RNF126: variants seen among roughly 807,000 people sequenced by gnomAD.
RNF126 encodes the protein ring finger protein 126, also known as E3 ubiquitin-protein ligase RNF126.
Under a neutral mutation model 41.9 loss-of-function variants are expected in RNF126, and 20 were observed. The ratio of observed to expected loss-of-function variants is 0.48; its 90% CI spans 0.34 to 0.69. The LOEUF is 0.69. Ranked by LOEUF, RNF126 falls within the 30% of genes least tolerant of loss-of-function variation. The pLI is 0.01. For missense variants in RNF126, 433 were observed against 460.6 expected (o/e 0.94, Z 0.55); for synonymous variants, 239 against 202.9 (o/e 1.18, Z -1.51).
intron 2 of RNF126, 69 bp downstream of exon 2, chr19:652,757 A>G: frequency 2.1e-6 from 3 of 1,453,698 alleles, no homozygotes; most frequent in South Asian, 1.2e-5. Context: ...ACGCCAGCAC[A>G]GCCCACACCC....
At chr19:650,348 G>C in intron 4 of RNF126, 52 bp from the exon 5 acceptor site, 1 of 1,525,642 alleles carries the variant, frequency 6.6e-7, no homozygotes, top group South Asian at 1.2e-5. Context: ...GCACAGGAGA[G>C]GCGCCAGGCC....
chr19:648,053 G>C lies in RNF126; in HGVS notation c.*75C>G, dbSNP rs1007108713. On this transcript the variant is annotated 3_prime_UTR_variant, in exon 9 of 9. Transcript: ENST00000292363. ...AAGCGTGGCGCCGCCGGGGCACCCAGTCTGTGGGTGCCGTGTGGCGCTGGC... is the reference window on the plus strand; with the variant it reads ...AAGCGTGGCGCCGCCGGGGCACCCACTCTGTGGGTGCCGTGTGGCGCTGGC... 108 of 1,430,988 alleles carry C rather than the reference G, an allele frequency of 7.5e-5. No homozygotes were observed. The highest frequency in any genetic ancestry group is 1.9e-4 in the Middle Eastern group (1 of 5,202). The allele number at this position is 1,430,988 out of a possible 1,614,324, so 88.6% of individuals were successfully genotyped here.
intron 1 of RNF126, among the ~76,000 whole-genome samples, chr19:658,457 A>G (rs1469091052): frequency 1.3e-5 from 2 of 151,978 alleles, no homozygotes; most frequent in African/African-American, 2.4e-5. Flanking sequence ...CCCCAGGGAG[A>G]GTCATGGTGC....
intron 1 of RNF126, among the ~76,000 whole-genome samples, chr19:658,362 G>A (rs2030651260): frequency 6.7e-6 from 1 of 148,914 alleles, no homozygotes; most frequent in African/African-American, 2.6e-5. Flanking sequence ...ATGACTGACA[G>A]TGACCAGGGC....
chr19:658,489 C>A (rs1047354114), intron 1 of RNF126, among the ~76,000 whole-genome samples: 2 of 151,982 alleles, frequency 1.3e-5, no homozygotes, highest in African/African-American at 4.8e-5. Context: ...TCGGTAGGAG[C>A]CCCCGTGCTG....
Position 648,159 on chromosome 19 carries a change from G to A in RNF126, c.905C>T (p.Pro302Leu). 4 of 1,602,042 alleles carry A rather than the reference G, an allele frequency of 2.5e-6. No homozygotes were observed. Among genetic ancestry groups the A allele is most frequent in the Non-Finnish European group, 3.4e-6 (4 of 1,172,372 alleles). ...SSSSSSSSSSPSNENATSNS is the reference protein window; with the variant it reads ...SSSSSSSSSSLSNENATSNS ...GTTGCTTGTGGCGTTCTCGTTGCTGGGCGAGCTGGAGGAGGACGATGACGA... is the reference window on the plus strand; with the variant it reads ...GTTGCTTGTGGCGTTCTCGTTGCTGAGCGAGCTGGAGGAGGACGATGACGA... The change falls in exon 9 of 9, where the codon CCC becomes CTC. Residue 302 changes from proline to leucine, a missense_variant. Physicochemically the swap from Pro to Leu is moderately conservative, Grantham distance 98 (BLOSUM62 -3). This residue lies in a region of RNF126 where 63 missense variants were observed against 47.9 expected (regional missense o/e 1.32). Coordinates refer to ENST00000292363, the MANE Select transcript of RNF126 (RefSeq NM_194460.3).
intron 3 of RNF126, 39 bp downstream of exon 3, chr19:652,194 G>C: frequency 6.7e-7 from 1 of 1,486,094 alleles, no homozygotes; most frequent in East Asian, 2.5e-5. Flanking sequence ...CCCGAGCAAG[G>C]CTGACACGAT....
chr19:657,294 A>G (rs2030600998), intron 1 of RNF126, among the ~76,000 whole-genome samples: 1 of 152,072 alleles, frequency 6.6e-6, no homozygotes, highest in Non-Finnish European at 1.5e-5. Flanking sequence ...CCATGTGCCG[A>G]GCTCAGCCCC....
chr19:655,089 C>T (rs895202222), intron 1 of RNF126, among the ~76,000 whole-genome samples: 2 of 152,092 alleles, frequency 1.3e-5, no homozygotes, highest in Non-Finnish European at 2.9e-5. Flanking sequence ...GTGGGCAGAC[C>T]ATTTGAGGTC....
At chr19:652,786 G>C in intron 2 of RNF126, 40 bp downstream of exon 2, 1 of 1,595,228 alleles carries the variant, frequency 6.3e-7, no homozygotes, top group Non-Finnish European at 8.6e-7. Flanking sequence ...GCTGAGGCCC[G>C]GCTGGCTCTT....
intron 1 of RNF126, 60 bp downstream of exon 1, chr19:662,987 G>GGCCTT: frequency 1.1e-6 from 1 of 883,118 alleles, no homozygotes; most frequent in Non-Finnish European, 1.5e-6. Context: ...CCCCGGCCCC[G>GGCCTT]GCCTTGCCTC....
intron 1 of RNF126, among the ~76,000 whole-genome samples, chr19:658,223 T>G (rs1212097722): frequency 6.6e-6 from 1 of 152,108 alleles, no homozygotes; most frequent in Non-Finnish European, 1.5e-5. Context: ...CGTGATGGCC[T>G]CATCCCCGGG....
intron 1 of RNF126, among the ~76,000 whole-genome samples, chr19:658,980 G>A (rs1446676703): frequency 1.3e-5 from 2 of 152,226 alleles, no homozygotes; most frequent in African/African-American, 4.8e-5. Context: ...GCCGGCCAGA[G>A]AGGGCAGCCG....
At chr19:649,157 T>G in intron 6 of RNF126, 182 bp from the exon 7 acceptor site, 1 of 239,418 alleles carries the variant, frequency 4.2e-6, no homozygotes, top group Non-Finnish European at 7.8e-6. Context: ...CGCTCCTGGG[T>G]CCCCTGACGG....
chr19:651,964 C>A (rs575100297), intron 3 of RNF126, 109 bp from the exon 4 acceptor site: 2 of 1,046,668 alleles, frequency 1.9e-6, no homozygotes, highest in Non-Finnish European at 2.7e-6. Context: ...TGCTGGGTGC[C>A]GGGTGGGAGG....
chr19:651,324 A>G (rs1452905005), intron 4 of RNF126: 1 of 288,124 alleles, frequency 3.5e-6, no homozygotes, highest in Non-Finnish European at 6.4e-6. Flanking sequence ...CAAGGCCTGG[A>G]CAGCGTTTGA....
At chr19:661,172 C>T (rs898830919) in intron 1 of RNF126, among the ~76,000 whole-genome samples, 1 of 152,224 alleles carries the variant, frequency 6.6e-6, no homozygotes, top group African/African-American at 2.4e-5. Flanking sequence ...TGTCCAAGGC[C>T]ACGGGGCGAG....
Position 663,183 on chromosome 19 carries a change from CT to C in RNF126, c.-63del, listed in dbSNP as rs2030888795. On this transcript the variant is annotated 5_prime_UTR_variant, in exon 1 of 9. Transcript: ENST00000292363. ...CGCGGCACCCGCCGCCGGCCGTTTG[CT>C]GCTCCCTCGCCGGCCGACGCGCCCG... is the stretch of plus-strand genomic sequence containing the variant. 3.9e-6 allele frequency: 3 copies of C among 764,814 alleles called. No homozygotes were observed. The South Asian group carries it at 1.8e-4, about 45-fold the overall frequency. 47.4% of individuals were successfully genotyped at this position (764,814 alleles called of 1,614,324 possible). A position where few individuals can be genotyped will look rare whatever the true frequency, so the allele number is the denominator to read the frequency against.
chr19:661,827 C>T (rs965702451), intron 1 of RNF126, among the ~76,000 whole-genome samples: 2 of 152,198 alleles, frequency 1.3e-5, no homozygotes, highest in African/African-American at 2.4e-5. Context: ...TTCCCCTGGG[C>T]ACAGGGTGGG....
Sources: gnomAD v4.1 joint callset for allele counts (sites outside exome capture counted in the v4.1 genomes callset) on GRCh38, gnomAD v4.1.1 for gene constraint, gnomAD v4.1.1 regional missense constraint, MANE v1.5 for transcripts, NCBI Gene and HGNC (gene_info 2026-07-23, HGNC 2026-07-21) for gene names.